Variants in EPB41L4B observed in about 807,000 individuals in gnomAD.
EPB41L4B encodes band 4.1-like protein 4B.
In EPB41L4B, 30 loss-of-function variants were observed where a neutral mutation model predicts 112.5. The observed-to-expected ratio is 0.27, with a 90% CI of 0.20 to 0.36. The LOEUF (loss-of-function observed/expected upper bound fraction) is 0.36. EPB41L4B is among the 10% of genes least tolerant of loss of function. EPB41L4B has a pLI of 1.00. For missense variants in EPB41L4B, 1,024 were observed against 1,133.3 expected (o/e 0.90, Z 1.38); for synonymous variants, 408 against 439.7 (o/e 0.93, Z 0.90).
chr9:109,273,364 G>A (rs898582207), intron 2 of EPB41L4B, among the ~76,000 whole-genome samples: 2 of 151,700 alleles, frequency 1.3e-5, no homozygotes, highest in Admixed American at 6.6e-5. Flanking sequence ...CTCCTGCCTC[G>A]GCCTCCCGAG....
chr9:109,190,096 C>A (rs188605175), intron 22 of EPB41L4B, among the ~76,000 whole-genome samples: 1 of 152,088 alleles, frequency 6.6e-6, no homozygotes, highest in Non-Finnish European at 1.5e-5. Context: ...CTACCACGCT[C>A]GGCTAGGTTA....
intron 1 of EPB41L4B, among the ~76,000 whole-genome samples, chr9:109,281,484 C>T (rs1165412994): frequency 6.6e-6 from 1 of 152,136 alleles, no homozygotes; most frequent in African/African-American, 2.4e-5. Context: ...GGGCAGATCA[C>T]TTGAGATCAG....
chr9:109,238,479 A>G (rs935982574), intron 15 of EPB41L4B, among the ~76,000 whole-genome samples: 1 of 152,178 alleles, frequency 6.6e-6, no homozygotes, highest in Non-Finnish European at 1.5e-5. Flanking sequence ...TCTCCTTTCA[A>G]ATGAATGTGG....
At chr9:109,204,987 C>T (rs1463319995) in intron 18 of EPB41L4B, among the ~76,000 whole-genome samples, 1 of 152,174 alleles carries the variant, frequency 6.6e-6, no homozygotes, top group African/African-American at 2.4e-5. Flanking sequence ...ACCATGGATT[C>T]CCAAAGCATG....
chr9:109,185,129 A>C (rs574056199), intron 23 of EPB41L4B, among the ~76,000 whole-genome samples: 3 of 152,370 alleles, frequency 2.0e-5, no homozygotes, highest in Non-Finnish European at 2.9e-5. Flanking sequence ...TAGCAGAAGA[A>C]GACAAGTTTA....
At chr9:109,207,898 C>T (rs1211904569) in intron 18 of EPB41L4B, 26 bp downstream of exon 18, 1 of 1,613,390 alleles carries the variant, frequency 6.2e-7, no homozygotes. Flanking sequence ...AACATGAAAT[C>T]AAAGGAATGT....
chr9:109,234,686 A>C (rs769314118), intron 15 of EPB41L4B, among the ~76,000 whole-genome samples: 6 of 152,166 alleles, frequency 3.9e-5, no homozygotes, highest in Non-Finnish European at 7.4e-5. Flanking sequence ...CAACATGGCA[A>C]GACCCCATCT....
Position 109,185,614 on chromosome 9 carries a change from G to A in EPB41L4B, c.2302-9C>T, listed in dbSNP as rs1323689429. 2.9e-5 allele frequency: 47 copies of A among 1,597,168 alleles called. No individual in the cohort carries two copies. Among genetic ancestry groups the A allele is most frequent in the Non-Finnish European group, 3.8e-5 (44 of 1,170,758 alleles). On this transcript the variant is annotated splice_polypyrimidine_tract_variant and intron_variant, in intron 22 of 25. Coordinates refer to ENST00000374566, the MANE Select transcript of EPB41L4B (RefSeq NM_019114.5). ...TTGCTGGCGGGCTCTGCCTGCTCAC[G>A]AGGAGAGGAGAGAAGGGGAGGAGGA...
intron 13 of EPB41L4B, 70 bp from the exon 14 acceptor site, chr9:109,247,859 T>A: frequency 1.6e-6 from 2 of 1,217,568 alleles, no homozygotes; most frequent in Non-Finnish European, 2.3e-6. Context: ...TTATTAATGA[T>A]TTATTTAACA....
At chr9:109,225,478 G>C (rs767518072) in intron 15 of EPB41L4B, among the ~76,000 whole-genome samples, 3 of 152,218 alleles carry the variant, frequency 2.0e-5, no homozygotes, top group Non-Finnish European at 2.9e-5. Context: ...GTAGACAAGA[G>C]AGAATGAGAG....
At chr9:109,180,440 G>C (rs1832014664) in intron 24 of EPB41L4B, among the ~76,000 whole-genome samples, 1 of 152,226 alleles carries the variant, frequency 6.6e-6, no homozygotes, top group South Asian at 2.1e-4. Flanking sequence ...ACTGCAGGGA[G>C]CCAGGACGAG....
chr9:109,315,550 C>T (rs1002163188), intron 1 of EPB41L4B, among the ~76,000 whole-genome samples: 1 of 152,186 alleles, frequency 6.6e-6, no homozygotes, highest in Non-Finnish European at 1.5e-5. Context: ...GCTGACCCTA[C>T]GCTTGACACC....
At chr9:109,185,080 T>C (rs1832206573) in intron 23 of EPB41L4B, among the ~76,000 whole-genome samples, 1 of 152,232 alleles carries the variant, frequency 6.6e-6, no homozygotes, top group African/African-American at 2.4e-5. Flanking sequence ...TTGTTCACAT[T>C]GTCAGGTAGC....
At chr9:109,283,976 T>C (rs1309924819) in intron 1 of EPB41L4B, among the ~76,000 whole-genome samples, 1 of 151,634 alleles carries the variant, frequency 6.6e-6, no homozygotes, top group Non-Finnish European at 1.5e-5. Context: ...CATGCATCTG[T>C]AGTCCTAGCT....
chr9:109,212,478 A>C (rs774707173), intron 17 of EPB41L4B, among the ~76,000 whole-genome samples: 2 of 152,062 alleles, frequency 1.3e-5, no homozygotes, highest in Non-Finnish European at 2.9e-5. Flanking sequence ...AGAAAAAAAA[A>C]GTGAATGAGC....
intron 22 of EPB41L4B, among the ~76,000 whole-genome samples, chr9:109,190,996 C>T (rs1164089439): frequency 6.6e-6 from 1 of 152,296 alleles, no homozygotes; most frequent in East Asian, 1.9e-4. Context: ...CAGGCCTGGT[C>T]CCCTGAGATA....
At chr9:109,185,445 C>T (rs746224843) in intron 23 of EPB41L4B, 44 bp downstream of exon 23, 17 of 1,570,848 alleles carry the variant, frequency 1.1e-5, no homozygotes, top group Middle Eastern at 1.7e-4. Context: ...TCCTGCCCAC[C>T]TCACCTCTCC....
intron 20 of EPB41L4B, among the ~76,000 whole-genome samples, chr9:109,195,289 T>C (rs1005194869): frequency 6.6e-6 from 1 of 152,128 alleles, no homozygotes; most frequent in African/African-American, 2.4e-5. Flanking sequence ...GTGCAGCCTG[T>C]GCAGATCACT....
At chr9:109,284,522 C>A (rs1158591311) in intron 1 of EPB41L4B, among the ~76,000 whole-genome samples, 2 of 152,174 alleles carry the variant, frequency 1.3e-5, no homozygotes, top group African/African-American at 4.8e-5. Flanking sequence ...AAAGGATCCC[C>A]CTGCCTCAGC....
Sources: allele counts gnomAD v4.1 joint callset (sites outside exome capture counted in the v4.1 genomes callset), GRCh38; gene constraint gnomAD v4.1.1; transcripts MANE v1.5; gene names NCBI Gene and HGNC (gene_info 2026-07-23, HGNC 2026-07-21).